ACVR2A: variants seen among roughly 807,000 people sequenced by gnomAD.
ACVR2A encodes the protein activin A receptor type 2A.
ACVR2A carries 7 observed loss-of-function variants against 61.4 expected under a neutral mutation model. That is an observed-to-expected ratio of 0.11 (90% CI 0.06 to 0.21). The LOEUF (loss-of-function observed/expected upper bound fraction) is 0.21. Among genes scored for constraint, ACVR2A ranks in the 10% least tolerant of loss-of-function variants. The pLI, the probability that ACVR2A is intolerant of heterozygous loss-of-function variation, is 1.00. For missense variants in ACVR2A, 322 were observed against 621.7 expected (o/e 0.52, Z 5.13); for synonymous variants, 193 against 208.3 (o/e 0.93, Z 0.63).
chr2:147,906,877 G>A (rs1686999907), intron 4 of ACVR2A, among the ~76,000 whole-genome samples: 1 of 147,204 alleles, frequency 6.8e-6, no homozygotes, highest in African/African-American at 2.5e-5. Flanking sequence ...GAACATGCAG[G>A]TTTGTTACAT....
intron 4 of ACVR2A, among the ~76,000 whole-genome samples, chr2:147,902,392 C>T (rs527571972): frequency 6.6e-6 from 1 of 152,064 alleles, no homozygotes; most frequent in East Asian, 1.9e-4. Context: ...TCATAAAGCA[C>T]ATGCCTTTTG....
Position 147,927,058 on chromosome 2 carries a change from G to T in ACVR2A, c.1348-22G>T, listed in dbSNP as rs764701937. 59 of 1,604,306 alleles carry T rather than the reference G, an allele frequency of 3.7e-5. 1 individual carries two copies. The South Asian group carries it at 6.6e-4, about 18-fold the overall frequency. On this transcript the variant is annotated intron_variant, in intron 10 of 10. Transcript: ENST00000241416. ...AAACAAAAACTGCTGTGGCGTTTGAGTATATGTTTTTCTCCTTTTAGGGAA... is the reference window on the plus strand; with the variant it reads ...AAACAAAAACTGCTGTGGCGTTTGATTATATGTTTTTCTCCTTTTAGGGAA...
intron 1 of ACVR2A, among the ~76,000 whole-genome samples, chr2:147,855,114 A>C (rs746054054): frequency 1.3e-5 from 2 of 152,122 alleles, no homozygotes; most frequent in African/African-American, 2.4e-5. Context: ...CTCCTGTCTC[A>C]AGTGATCTGC....
intron 1 of ACVR2A, among the ~76,000 whole-genome samples, chr2:147,879,674 T>C (rs1469763976): frequency 2.0e-5 from 3 of 152,216 alleles, no homozygotes; most frequent in Non-Finnish European, 4.4e-5. Context: ...CTGTAAGATT[T>C]GTTAAAGATT....
At chr2:147,899,715 T>A in intron 3 of ACVR2A, 29 bp from the exon 4 acceptor site, 1 of 1,610,244 alleles carries the variant, frequency 6.2e-7, no homozygotes, top group Non-Finnish European at 8.5e-7. Context: ...AGACCAAATC[T>A]GAGTTATTTT....
At chr2:147,873,057 A>G (rs950772119) in intron 1 of ACVR2A, among the ~76,000 whole-genome samples, 2 of 151,928 alleles carry the variant, frequency 1.3e-5, no homozygotes, top group Non-Finnish European at 1.5e-5. Flanking sequence ...TTGTGATGAG[A>G]CATCATTTTA....
chr2:147,850,345 G>GT (rs887052693), intron 1 of ACVR2A, among the ~76,000 whole-genome samples: 6 of 152,090 alleles, frequency 3.9e-5, no homozygotes, highest in Non-Finnish European at 5.9e-5. Context: ...CTTTTCCACT[G>GT]TTTTTTCATT....
intron 1 of ACVR2A, among the ~76,000 whole-genome samples, chr2:147,894,345 C>A (rs1686671808): frequency 6.6e-6 from 1 of 151,970 alleles, no homozygotes; most frequent in Non-Finnish European, 1.5e-5. Context: ...TTTGGGTATT[C>A]CAGTTTCCTT....
chr2:147,870,410 A>C (rs1469041388), intron 1 of ACVR2A, among the ~76,000 whole-genome samples: 1 of 152,130 alleles, frequency 6.6e-6, no homozygotes, highest in Non-Finnish European at 1.5e-5. Flanking sequence ...ACCTTGCCAC[A>C]ATGCTGAATT....
chr2:147,898,949 G>C (rs1474911904), intron 2 of ACVR2A, among the ~76,000 whole-genome samples: 2 of 152,066 alleles, frequency 1.3e-5, no homozygotes, highest in African/African-American at 4.8e-5. Flanking sequence ...GGTTTCTGAT[G>C]TTGAAATGTT....
At chr2:147,845,319 C>A in intron 1 of ACVR2A, 112 bp downstream of exon 1, 1 of 878,154 alleles carries the variant, frequency 1.1e-6, no homozygotes. Context: ...GGGGAGGTTG[C>A]CCACTCCCTG....
At chr2:147,875,233 C>T (rs183648783) in intron 1 of ACVR2A, among the ~76,000 whole-genome samples, 2 of 151,568 alleles carry the variant, frequency 1.3e-5, no homozygotes, top group Admixed American at 1.3e-4. Flanking sequence ...TGTAATCTAC[C>T]CATAATACTC....
chr2:147,899,401 T>G (rs1686819303), intron 2 of ACVR2A, 57 bp from the exon 3 acceptor site: 1 of 1,139,752 alleles, frequency 8.8e-7, no homozygotes, highest in African/African-American at 1.6e-5. Context: ...AAAACACTTG[T>G]TGTAGGGTCA....
intron 4 of ACVR2A, among the ~76,000 whole-genome samples, chr2:147,911,111 G>A (rs1687100471): frequency 1.3e-5 from 2 of 152,022 alleles, no homozygotes; most frequent in Admixed American, 6.6e-5. Context: ...CTGCTAGCTC[G>A]TTTTTGCTAA....
At chr2:147,922,203 T>G (rs1687397303) in intron 8 of ACVR2A, among the ~76,000 whole-genome samples, 1 of 152,100 alleles carries the variant, frequency 6.6e-6, no homozygotes, top group South Asian at 2.1e-4. Flanking sequence ...GTGATCTGTC[T>G]TTATTCTTAA....
chr2:147,925,802 T>G, intron 9 of ACVR2A: 1 of 433,486 alleles, frequency 2.3e-6, no homozygotes, highest in Non-Finnish European at 4.1e-6. Flanking sequence ...AAGCCCCTTA[T>G]GCAATCTTTA....
At chr2:147,883,145 T>A (rs982312740) in intron 1 of ACVR2A, among the ~76,000 whole-genome samples, 3 of 152,206 alleles carry the variant, frequency 2.0e-5, no homozygotes, top group Non-Finnish European at 4.4e-5. Flanking sequence ...AAAGAAAAGA[T>A]ATCAAAAGAC....
intron 1 of ACVR2A, among the ~76,000 whole-genome samples, chr2:147,872,591 A>G (rs1314664529): frequency 6.7e-6 from 1 of 149,742 alleles, no homozygotes; most frequent in African/African-American, 2.5e-5. Context: ...AACATGGTAG[A>G]AGTCTGTGGT....
At chr2:147,923,206 G>T (rs1227832295) in intron 9 of ACVR2A, 95 bp downstream of exon 9, 5 of 1,346,442 alleles carry the variant, frequency 3.7e-6, no homozygotes, top group Non-Finnish European at 5.0e-6. Flanking sequence ...TTAAAGTACA[G>T]TTTTTTTTTA....
Sources: gnomAD v4.1 joint callset for allele counts (sites outside exome capture counted in the v4.1 genomes callset) on GRCh38, gnomAD v4.1.1 for gene constraint, MANE v1.5 for transcripts, NCBI Gene and HGNC (gene_info 2026-07-23, HGNC 2026-07-21) for gene names.